LSAMP: variants seen among roughly 807,000 people sequenced by gnomAD.
LSAMP encodes limbic system associated membrane protein.
Under a neutral mutation model 38.6 loss-of-function variants are expected in LSAMP, and 7 were observed. That is an observed-to-expected ratio of 0.18 (90% CI 0.10 to 0.34). LSAMP has a LOEUF of 0.34. Among genes scored for constraint, LSAMP ranks in the 10% least tolerant of loss-of-function variants. LSAMP has a pLI of 1.00. For synonymous variants in LSAMP, 154 were observed against 166.8 expected, an observed-to-expected ratio of 0.92 and a Z score of 0.59; for missense variants, 313 against 420.0, an observed-to-expected ratio of 0.75 and a Z score of 2.23.
At chr3:115,836,585 T>A (rs1332787842) in intron 6 of LSAMP, among the ~76,000 whole-genome samples, 2 of 152,184 alleles carry the variant, frequency 1.3e-5, no homozygotes, top group African/African-American at 4.8e-5. Flanking sequence ...ATATATGCTG[T>A]GGCTATATGC....
intron 1 of LSAMP, among the ~76,000 whole-genome samples, chr3:116,159,497 A>T (rs889777071): frequency 1.3e-5 from 2 of 152,228 alleles, no homozygotes; most frequent in African/African-American, 2.4e-5. Context: ...AGGCATATTA[A>T]AAAAAGCTCA....
chr3:115,971,446 A>T lies in LSAMP; in HGVS notation c.514+48069T>A, dbSNP rs548979742. ...AAAATACTTTTTCTTTTGCTTCACAATACTGAAGGACTCTTGATTTTATAT... is the reference window on the plus strand; with the variant it reads ...AAAATACTTTTTCTTTTGCTTCACATTACTGAAGGACTCTTGATTTTATAT... On this transcript the variant is annotated intron_variant, in intron 3 of 6. Coordinates refer to ENST00000490035, the MANE Select transcript of LSAMP (RefSeq NM_002338.5). 2.4e-3 allele frequency among the ~76,000 whole-genome samples: 371 copies of T among 152,290 alleles called. 3 individuals are homozygous for T. The highest frequency in any genetic ancestry group is 8.5e-3 in the African/African-American group (353 of 41,556).
chr3:115,931,280 C>A (rs1470609233), intron 3 of LSAMP, among the ~76,000 whole-genome samples: 2 of 152,192 alleles, frequency 1.3e-5, no homozygotes, highest in Non-Finnish European at 2.9e-5. Flanking sequence ...CTGGTGAAAA[C>A]CTTGGCCATA....
chr3:116,392,936 C>T (rs1263548438), intron 1 of LSAMP, among the ~76,000 whole-genome samples: 7 of 152,110 alleles, frequency 4.6e-5, no homozygotes, highest in Non-Finnish European at 7.4e-5. Flanking sequence ...AAAGAGGAAC[C>T]ACCCTCTCTG....
At chr3:116,162,705 TAA>T (rs200828314) in intron 1 of LSAMP, among the ~76,000 whole-genome samples, 10,695 of 150,290 alleles carry the variant, frequency 0.071, 429 homozygotes, top group Middle Eastern at 0.16. Context: ...TATATATATA[TAA>T]AGTGAAAGCA....
At chr3:116,206,626 A>G (rs1470616929) in intron 1 of LSAMP, among the ~76,000 whole-genome samples, 2 of 147,776 alleles carry the variant, frequency 1.4e-5, no homozygotes, top group African/African-American at 2.5e-5. Flanking sequence ...TTGGTTTCAA[A>G]GAACATCTTT....
At chr3:116,430,023 T>C (rs911832914) in intron 1 of LSAMP, among the ~76,000 whole-genome samples, 1 of 152,100 alleles carries the variant, frequency 6.6e-6, no homozygotes, top group East Asian at 1.9e-4. Flanking sequence ...GGCAAAGTAA[T>C]AGAGGGAATT....
chr3:115,904,409 A>G (rs1936957906), intron 3 of LSAMP, among the ~76,000 whole-genome samples: 1 of 152,166 alleles, frequency 6.6e-6, no homozygotes, highest in South Asian at 2.1e-4. Flanking sequence ...ATCTTCCCAC[A>G]AAGAAAACGT....
intron 3 of LSAMP, among the ~76,000 whole-genome samples, chr3:115,939,943 G>A (rs566479459): frequency 2.0e-5 from 3 of 152,126 alleles, no homozygotes; most frequent in East Asian, 1.9e-4. Flanking sequence ...GGACCCTCAC[G>A]GTGAGTGTTA....
At chr3:116,055,580 G>A (rs1941476925) in intron 2 of LSAMP, among the ~76,000 whole-genome samples, 1 of 152,092 alleles carries the variant, frequency 6.6e-6, no homozygotes, top group Admixed American at 6.6e-5. Context: ...GACTACATTT[G>A]ACAATGCCCT....
At chr3:116,230,954 G>A (rs1303159309) in intron 1 of LSAMP, among the ~76,000 whole-genome samples, 1 of 152,098 alleles carries the variant, frequency 6.6e-6, no homozygotes, top group East Asian at 1.9e-4. Flanking sequence ...AACTGAGGAG[G>A]TTGGGCTTTA....
At chr3:116,248,877 G>A (rs1056314233) in intron 1 of LSAMP, among the ~76,000 whole-genome samples, 2 of 152,096 alleles carry the variant, frequency 1.3e-5, no homozygotes, top group African/African-American at 2.4e-5. Flanking sequence ...GCCAGGCGCG[G>A]TGGCTCACGC....
At chr3:115,910,526 A>G (rs1245627032) in intron 3 of LSAMP, among the ~76,000 whole-genome samples, 1 of 152,234 alleles carries the variant, frequency 6.6e-6, no homozygotes, top group Non-Finnish European at 1.5e-5. Context: ...GAAATAATAC[A>G]GAGATCCTTC....
chr3:115,967,162 C>A (rs552424437), intron 3 of LSAMP, among the ~76,000 whole-genome samples: 2 of 152,302 alleles, frequency 1.3e-5, no homozygotes, highest in East Asian at 3.9e-4. Flanking sequence ...CCTTTAACAG[C>A]ACCCAAGTCA....
intron 1 of LSAMP, among the ~76,000 whole-genome samples, chr3:116,283,379 G>A (rs2047153250): frequency 6.6e-6 from 1 of 152,126 alleles, no homozygotes; most frequent in Non-Finnish European, 1.5e-5. Flanking sequence ...ATGGGAGAGG[G>A]AAATAAGGAA....
intron 2 of LSAMP, among the ~76,000 whole-genome samples, chr3:116,054,010 G>T (rs956582140): frequency 6.6e-6 from 1 of 152,142 alleles, no homozygotes; most frequent in Non-Finnish European, 1.5e-5. Flanking sequence ...TTATCTTACA[G>T]TTTTAGAGAT....
intron 3 of LSAMP, among the ~76,000 whole-genome samples, chr3:115,885,760 G>T (rs1936437503): frequency 6.6e-6 from 1 of 151,766 alleles, no homozygotes; most frequent in South Asian, 2.1e-4. Flanking sequence ...CAAGGCTTAA[G>T]TTAGAGTCAA....
At chr3:115,814,697 T>C (rs1350325198) in intron 6 of LSAMP, among the ~76,000 whole-genome samples, 5 of 152,218 alleles carry the variant, frequency 3.3e-5, no homozygotes, top group Admixed American at 3.3e-4. Context: ...AATCATAATT[T>C]TATTCCAGTT....
intron 1 of LSAMP, among the ~76,000 whole-genome samples, chr3:116,166,988 T>G (rs373648380): frequency 1.3e-5 from 2 of 152,046 alleles, no homozygotes; most frequent in South Asian, 4.1e-4. Flanking sequence ...AGACGGGGTT[T>G]CACCGTGTTA....
Sources: allele counts gnomAD v4.1 joint callset (sites outside exome capture counted in the v4.1 genomes callset), GRCh38; gene constraint gnomAD v4.1.1; transcripts MANE v1.5; gene names NCBI Gene and HGNC (gene_info 2026-07-23, HGNC 2026-07-21).